PGBD2: variants seen among roughly 807,000 people sequenced by gnomAD.
The protein encoded by PGBD2 is piggyBac transposable element-derived protein 2.
A neutral mutation model predicts 8.1 loss-of-function variants in PGBD2; 6 were observed. The observed-to-expected ratio is 0.74, with a 90% CI of 0.40 to 1.46. The LOEUF is 1.46. PGBD2 is among the 40% of genes most tolerant of loss of function. The pLI, the probability that PGBD2 is intolerant of heterozygous loss-of-function variation, is 0.02. For missense variants in PGBD2, 802 were observed against 739.0 expected, an observed-to-expected ratio of 1.09 and a Z score of -0.99; for synonymous variants, 318 against 272.2, an observed-to-expected ratio of 1.17 and a Z score of -1.66.
At chr1:248,897,524 G>T in the PGBD2 span, among the ~76,000 whole-genome samples, 1 of 152,170 alleles carries the variant, frequency 6.6e-6, no homozygotes, top group Non-Finnish European at 1.5e-5. Context: ...TTTCAAACAA[G>T]GAGATTCCTT....
chr1:248,878,304 C>T, the PGBD2 span, among the ~76,000 whole-genome samples: 37 of 152,190 alleles, frequency 2.4e-4, no homozygotes, highest in Admixed American at 2.3e-3. Flanking sequence ...CTCAGCCTCC[C>T]GAGTAGCTGG....
At chr1:248,911,817 C>G (rs941575337) in intron 1 of PGBD2, among the ~76,000 whole-genome samples, 1 of 151,758 alleles carries the variant, frequency 6.6e-6, no homozygotes, top group East Asian at 1.9e-4. Flanking sequence ...TTAAAGCACC[C>G]TCTGGGTGCT....
chr1:248,916,086 G>A lies in PGBD2; in HGVS notation c.18-516G>A, dbSNP rs371098838. ...GAAGTAGGTAAGACCCGTTTATTCC[G>A]TCTCCCATTGTTAAAATACTTCTGC... is the stretch of plus-strand genomic sequence containing the variant. On this transcript the variant is annotated intron_variant, in intron 2 of 2. Transcript: ENST00000329291. Among the ~76,000 whole-genome samples, 46 of 152,248 alleles carry A rather than the reference G, an allele frequency of 3.0e-4. No homozygotes were observed. The South Asian group carries it at 7.0e-3, about 23-fold the overall frequency.
chr1:248,880,493 C>T, the PGBD2 span, among the ~76,000 whole-genome samples: 1 of 152,162 alleles, frequency 6.6e-6, no homozygotes, highest in East Asian at 1.9e-4. Context: ...GTTTCTATGT[C>T]CATAATGATC....
chr1:248,926,871 G>A, the PGBD2 span, among the ~76,000 whole-genome samples: 1 of 152,110 alleles, frequency 6.6e-6, no homozygotes, highest in Admixed American at 6.5e-5. Flanking sequence ...CCTATGAATG[G>A]CAGAGATCTA....
chr1:248,922,375 C>G (rs1662303922), downstream of PGBD2, among the ~76,000 whole-genome samples: 1 of 152,152 alleles, frequency 6.6e-6, no homozygotes, highest in Non-Finnish European at 1.5e-5. Flanking sequence ...ATGGGGTTTT[C>G]TAAATATACA....
At chr1:248,916,461 C>A (rs749753994) in intron 2 of PGBD2, 141 bp from the exon 3 acceptor site, 2 of 673,852 alleles carry the variant, frequency 3.0e-6, no homozygotes, top group Non-Finnish European at 5.0e-6. Context: ...AATTTACTTA[C>A]TAAATGCGGT....
chr1:248,886,630 C>T, the PGBD2 span, among the ~76,000 whole-genome samples: 2 of 152,186 alleles, frequency 1.3e-5, no homozygotes, highest in Admixed American at 6.5e-5. Context: ...CCCAGCTGCC[C>T]TTAGACTCAT....
Position 248,918,356 on chromosome 1 carries a change from T to C in PGBD2, c.1772T>C (p.Ile591Thr). The part of the protein sequence containing the change: ...VHAKCFREYH[I>T]R Reference sequence around the variant, plus strand: ...GCCAAATGCTTCAGGGAGTACCACATCCGGTGACATCATGAGACATGCTTC... The same window carrying C: ...GCCAAATGCTTCAGGGAGTACCACACCCGGTGACATCATGAGACATGCTTC... The change falls in exon 3 of 3, where the codon ATC becomes ACC. Residue 591 changes from isoleucine (I) to threonine (T), a missense_variant. Coordinates refer to ENST00000329291, the MANE Select transcript of PGBD2 (RefSeq NM_170725.3). 1 of 1,543,638 alleles carries C rather than the reference T, an allele frequency of 6.5e-7. No individual in the cohort carries two copies. Among genetic ancestry groups the C allele is most frequent in the South Asian group, 1.3e-5 (1 of 78,410 alleles).
At chr1:248,901,966 G>A (rs1433939082), upstream of PGBD2, among the ~76,000 whole-genome samples, 2 of 152,116 alleles carry the variant, frequency 1.3e-5, no homozygotes, top group Non-Finnish European at 1.5e-5. Context: ...TTAGAGAAAT[G>A]CAAATCAAAA....
chr1:248,916,766 A>C lies in PGBD2; in HGVS notation c.182A>C (p.Asp61Ala), dbSNP rs1388186822. Residue 61 changes from aspartate (D) to alanine (A), a missense_variant, in exon 3 of 3, where the codon GAT becomes GCT. Physicochemically the swap from Asp to Ala is moderately radical, Grantham distance 126 (BLOSUM62 -2). Coordinates refer to ENST00000329291, the MANE Select transcript of PGBD2 (RefSeq NM_170725.3). ...AGEFTDEDSG[D>A]EDSQRGAHLP... ...GAATTCACTGATGAGGACTCAGGGGATGAAGACAGCCAGCGAGGTGCTCAC... is the reference window on the plus strand; with the variant it reads ...GAATTCACTGATGAGGACTCAGGGGCTGAAGACAGCCAGCGAGGTGCTCAC... 1.9e-6 allele frequency: 3 copies of C among 1,614,154 alleles called. No homozygotes were observed. Among genetic ancestry groups the C allele is most frequent in the Non-Finnish European group, 2.5e-6 (3 of 1,180,020 alleles).
rs769954494 is a variant in PGBD2, at chr1:248,917,616, G to A, written c.1032G>A (p.Leu344=). 4 of 1,614,176 alleles carry A rather than the reference G, an allele frequency of 2.5e-6. No homozygotes were observed. The highest frequency in any genetic ancestry group is 3.4e-6 in the Non-Finnish European group (4 of 1,180,038). Reference sequence around the variant, plus strand: ...ATGCGCTTCAGGAGCGTGGTTTTCTGCCATATCACATATTTTTTGACAAGG... The same window carrying A: ...ATGCGCTTCAGGAGCGTGGTTTTCTACCATATCACATATTTTTTGACAAGG... ...FVDALQERGF[L]PYHIFFDKVF... is the part of the protein sequence containing the mutation. The change falls in exon 3 of 3, where the codon CTG becomes CTA. Residue 344 remains leucine, a synonymous_variant. Transcript: ENST00000329291.
chr1:248,874,522 G>GA, the PGBD2 span, among the ~76,000 whole-genome samples: 1 of 152,154 alleles, frequency 6.6e-6, no homozygotes, highest in Non-Finnish European at 1.5e-5. Flanking sequence ...TAAGAACGGA[G>GA]AAAAAATGCC....
the PGBD2 span, among the ~76,000 whole-genome samples, chr1:248,925,500 C>G: frequency 6.6e-6 from 1 of 151,502 alleles, no homozygotes; most frequent in Non-Finnish European, 1.5e-5. Flanking sequence ...GATGAAGATT[C>G]AACATATTAA....
the PGBD2 span, among the ~76,000 whole-genome samples, chr1:248,888,680 C>G: frequency 6.6e-6 from 1 of 151,990 alleles, no homozygotes; most frequent in African/African-American, 2.4e-5. Flanking sequence ...TTCTCCCATT[C>G]TGTAGGTTGT....
the PGBD2 span, among the ~76,000 whole-genome samples, chr1:248,875,912 G>GT: frequency 6.6e-6 from 1 of 151,656 alleles, no homozygotes; most frequent in Non-Finnish European, 1.5e-5. Context: ...TCTAGTGGTG[G>GT]TAAGTTTGGT....
chr1:248,925,817 C>A, the PGBD2 span, among the ~76,000 whole-genome samples: 1 of 152,028 alleles, frequency 6.6e-6, no homozygotes, highest in Non-Finnish European at 1.5e-5. Context: ...CCATTGCCAG[C>A]GGGGGAGTTC....
At chr1:248,908,750 T>C (rs1161996946) in intron 1 of PGBD2, among the ~76,000 whole-genome samples, 2 of 151,862 alleles carry the variant, frequency 1.3e-5, no homozygotes, top group African/African-American at 4.8e-5. Context: ...GGTCTTCAAG[T>C]CTCTGCAGGG....
downstream of PGBD2, among the ~76,000 whole-genome samples, chr1:248,920,585 A>G (rs546636656): frequency 5.3e-4 from 80 of 152,282 alleles, no homozygotes; most frequent in African/African-American, 1.9e-3. Flanking sequence ...GCTATTGTGA[A>G]TAGTGCTGCA....
Sources: allele counts gnomAD v4.1 joint callset (sites outside exome capture counted in the v4.1 genomes callset), GRCh38; gene constraint gnomAD v4.1.1; transcripts MANE v1.5; gene names NCBI Gene and HGNC (gene_info 2026-07-23, HGNC 2026-07-21).